The following RGS7 variants were observed in gnomAD, a reference collection of about 807,000 sequenced individuals.
RGS7 encodes the protein regulator of G-protein signaling 7.
In RGS7, 27 loss-of-function variants were observed where a neutral mutation model predicts 81.1. The ratio of observed to expected loss-of-function variants is 0.33; its 90% CI spans 0.25 to 0.46. RGS7 has a LOEUF of 0.46. Among genes scored for constraint, RGS7 ranks in the 20% least tolerant of loss-of-function variants. RGS7 has a pLI of 1.00. For synonymous variants in RGS7, 208 were observed against 207.7 expected, an observed-to-expected ratio of 1.00 and a Z score of -0.01; for missense variants, 396 against 607.4, an observed-to-expected ratio of 0.65 and a Z score of 3.66.
chr1:241,001,778 G>C lies in RGS7; in HGVS notation c.176-18649C>G, dbSNP rs74455584. Among the ~76,000 whole-genome samples, 598 of 152,270 alleles carry C rather than the reference G, an allele frequency of 3.9e-3. 4 individuals are homozygous for C. Among genetic ancestry groups the C allele is most frequent in the African/African-American group, 0.013 (545 of 41,562 alleles). On this transcript the variant is annotated intron_variant, in intron 3 of 18. Coordinates refer to ENST00000440928, the MANE Select transcript of RGS7 (RefSeq NM_001364886.1). ...AAAAGATCACTGGTTGTCAGGGGTG[G>C]AAGAGATGAACAGGTAGAGCATAGA... is the stretch of plus-strand genomic sequence containing the variant.
At chr1:241,074,519 G>A (rs915847755) in intron 3 of RGS7, among the ~76,000 whole-genome samples, 6 of 152,158 alleles carry the variant, frequency 3.9e-5, no homozygotes, top group Admixed American at 3.3e-4. Flanking sequence ...GTATTCAAAC[G>A]CAATTGTTAG....
At chr1:241,016,636 T>C (rs576864806) in intron 3 of RGS7, among the ~76,000 whole-genome samples, 6 of 152,060 alleles carry the variant, frequency 3.9e-5, no homozygotes, top group Non-Finnish European at 7.4e-5. Context: ...CCGTGTAATC[T>C]ATATCAATTT....
chr1:240,956,237 A>G (rs1300285141), intron 4 of RGS7, among the ~76,000 whole-genome samples: 1 of 152,152 alleles, frequency 6.6e-6, no homozygotes, highest in Non-Finnish European at 1.5e-5. Context: ...GGGTTGCCCT[A>G]TCTGCCTTTC....
At chr1:241,204,898 C>G (rs2073773545) in intron 2 of RGS7, among the ~76,000 whole-genome samples, 1 of 152,006 alleles carries the variant, frequency 6.6e-6, no homozygotes, top group African/African-American at 2.4e-5. Flanking sequence ...GAACATCTTG[C>G]TATCAGAACT....
intron 4 of RGS7, among the ~76,000 whole-genome samples, chr1:240,961,287 A>G (rs1681386600): frequency 6.7e-6 from 1 of 149,332 alleles, no homozygotes; most frequent in African/African-American, 2.5e-5. Flanking sequence ...TGAGTTTCAT[A>G]TCAATATTTT....
At chr1:241,250,457 T>C (rs536416430) in intron 2 of RGS7, among the ~76,000 whole-genome samples, 1 of 152,022 alleles carries the variant, frequency 6.6e-6, no homozygotes, top group East Asian at 1.9e-4. Flanking sequence ...AACCTGTTAA[T>C]ATTGTGGGAT....
intron 2 of RGS7, among the ~76,000 whole-genome samples, chr1:241,189,616 T>G (rs1182933062): frequency 3.3e-5 from 5 of 152,230 alleles, no homozygotes; most frequent in Non-Finnish European, 7.3e-5. Flanking sequence ...CTGAATATTT[T>G]TTGCTTTTTC....
At chr1:240,891,106 T>C (rs1243010841) in intron 6 of RGS7, among the ~76,000 whole-genome samples, 3 of 152,194 alleles carry the variant, frequency 2.0e-5, no homozygotes. Flanking sequence ...TCAAATTTGC[T>C]ACCTGCTCTT....
intron 2 of RGS7, among the ~76,000 whole-genome samples, chr1:241,222,813 C>A (rs1272881329): frequency 1.3e-5 from 2 of 148,242 alleles, no homozygotes; most frequent in African/African-American, 2.5e-5. Context: ...ATCCCACCCC[C>A]AGCCCCCCAC....
chr1:241,160,076 A>C (rs1382349506), intron 2 of RGS7, among the ~76,000 whole-genome samples: 1 of 147,192 alleles, frequency 6.8e-6, no homozygotes, highest in Non-Finnish European at 1.5e-5. Flanking sequence ...GCACCACGGC[A>C]CTATAGCCTG....
At chr1:240,808,228 G>C (rs1178559545) in intron 14 of RGS7, among the ~76,000 whole-genome samples, 1 of 152,076 alleles carries the variant, frequency 6.6e-6, no homozygotes, top group African/African-American at 2.4e-5. Flanking sequence ...GTACATGAAT[G>C]GCTCTCTAGG....
At chr1:240,937,327 AG>A (rs1676814036) in intron 4 of RGS7, among the ~76,000 whole-genome samples, 1 of 152,134 alleles carries the variant, frequency 6.6e-6, no homozygotes. Flanking sequence ...CCTTTGTTTG[AG>A]TGCTCGTTTT....
Position 241,326,850 on chromosome 1 carries a change from C to T in RGS7, c.78+28849G>A, listed in dbSNP as rs373636836. Among the ~76,000 whole-genome samples, 922 of 148,802 alleles carry T rather than the reference C, an allele frequency of 6.2e-3. 7 individuals are homozygous for T. The highest frequency in any genetic ancestry group is 0.021 in the Middle Eastern group (6 of 286). On this transcript the variant is annotated intron_variant, in intron 2 of 18. Coordinates refer to ENST00000440928, the MANE Select transcript of RGS7 (RefSeq NM_001364886.1). ...ACTTGAGCCCAGGAGGTTGAGGCTG[C>T]GGTGAGCTGAGATCATGGAACAGCT...
At chr1:241,011,064 A>C (rs917991273) in intron 3 of RGS7, among the ~76,000 whole-genome samples, 2 of 152,200 alleles carry the variant, frequency 1.3e-5, no homozygotes, top group Non-Finnish European at 2.9e-5. Flanking sequence ...AAATAAAAAG[A>C]AAGTTTGTCT....
At chr1:240,852,314 G>A (rs1031535798) in intron 9 of RGS7, among the ~76,000 whole-genome samples, 1 of 152,104 alleles carries the variant, frequency 6.6e-6, no homozygotes, top group Non-Finnish European at 1.5e-5. Context: ...AATAAAGTAT[G>A]TTTAAATTAA....
chr1:240,854,423 A>AAT (rs1481491971), intron 9 of RGS7, among the ~76,000 whole-genome samples: 1 of 152,210 alleles, frequency 6.6e-6, no homozygotes, highest in African/African-American at 2.4e-5. Flanking sequence ...AATTGGCTGG[A>AAT]ATATGATGCT....
At chr1:241,294,646 C>T (rs765898801) in intron 2 of RGS7, among the ~76,000 whole-genome samples, 3 of 152,178 alleles carry the variant, frequency 2.0e-5, no homozygotes, top group African/African-American at 4.8e-5. Context: ...CAGAGCAACT[C>T]CCAGGCCTGC....
chr1:241,308,374 A>G (rs1252108013), intron 2 of RGS7, among the ~76,000 whole-genome samples: 1 of 152,248 alleles, frequency 6.6e-6, no homozygotes, highest in East Asian at 1.9e-4. Flanking sequence ...CATGTTATTT[A>G]AGTTGTCAAT....
chr1:241,209,150 AGGGCACTGTCTG>A (rs901498620), intron 2 of RGS7, among the ~76,000 whole-genome samples: 12 of 152,170 alleles, frequency 7.9e-5, no homozygotes, highest in African/African-American at 1.2e-4. Context: ...GGTCTGCCGC[AGGGCACTGTCTG>A]GGGCACTGTC....
Sources: allele counts gnomAD v4.1 joint callset (sites outside exome capture counted in the v4.1 genomes callset), GRCh38; gene constraint gnomAD v4.1.1; transcripts MANE v1.5; gene names NCBI Gene and HGNC (gene_info 2026-07-23, HGNC 2026-07-21).